MECOM: variants seen among roughly 807,000 people sequenced by gnomAD.
The protein encoded by MECOM is histone-lysine N-methyltransferase MECOM.
A neutral mutation model predicts 116.3 loss-of-function variants in MECOM; 13 were observed. The observed-to-expected ratio is 0.11, with a 90% CI of 0.07 to 0.18. The LOEUF (loss-of-function observed/expected upper bound fraction) is 0.18. Among genes scored for constraint, MECOM ranks in the 10% least tolerant of loss-of-function variants. MECOM has a pLI of 1.00. For synonymous variants in MECOM, 528 were observed against 535.2 expected, an observed-to-expected ratio of 0.99 and a Z score of 0.19; for missense variants, 1,299 against 1,509.0, an observed-to-expected ratio of 0.86 and a Z score of 2.31.
chr3:169,288,083 A>C (rs1419979221), intron 2 of MECOM, among the ~76,000 whole-genome samples: 1 of 152,220 alleles, frequency 6.6e-6, no homozygotes, highest in Non-Finnish European at 1.5e-5. Flanking sequence ...CAGTGGTGAT[A>C]TAAAACAGTA....
intron 1 of MECOM, among the ~76,000 whole-genome samples, chr3:169,426,692 C>G (rs1041941775): frequency 2.6e-5 from 4 of 152,284 alleles, no homozygotes; most frequent in African/African-American, 9.6e-5. Flanking sequence ...AGTAAAAGGG[C>G]TAGAAGAGTA....
intron 13 of MECOM, 100 bp downstream of exon 13, chr3:169,094,976 C>T (rs990960735): frequency 4.8e-5 from 51 of 1,073,288 alleles, no homozygotes; most frequent in Non-Finnish European, 5.0e-5. Context: ...CTGATTTTGG[C>T]GTCAAAATGG....
chr3:169,186,343 GGGAAGGAAGGAA>G lies in MECOM; in HGVS notation c.376-42523_376-42512del, dbSNP rs1331901039. On this transcript the variant is annotated intron_variant, in intron 2 of 16. Coordinates refer to ENST00000651503, the MANE Select transcript of MECOM (RefSeq NM_004991.4). The stretch of plus-strand genomic sequence containing the variant: ...AAGAAAGGAAGGAAGGAGGGAGGGA[GGGAAGGAAGGAA>G]GGAAGGAAGGAAGGAAGGAAGGAAG... Among the ~76,000 whole-genome samples, 660 of 80,118 alleles carry G rather than the reference GGGAAGGAAGGAA, an allele frequency of 8.2e-3. 24 individuals are homozygous for G. Among genetic ancestry groups the G allele is most frequent in the African/African-American group, 0.033 (582 of 17,898 alleles). 52.6% of individuals were successfully genotyped at this position (80,118 alleles called of 152,430 possible).
intron 1 of MECOM, among the ~76,000 whole-genome samples, chr3:169,532,267 G>A (rs997988021): frequency 2.6e-5 from 4 of 152,196 alleles, no homozygotes; most frequent in African/African-American, 9.7e-5. Flanking sequence ...ACTTGGGTAA[G>A]GCTGATGCTG....
At chr3:169,293,109 C>T (rs781771971) in intron 2 of MECOM, among the ~76,000 whole-genome samples, 2 of 152,152 alleles carry the variant, frequency 1.3e-5, no homozygotes, top group African/African-American at 4.8e-5. Flanking sequence ...AAATACCTAT[C>T]GCAGGAGGAG....
intron 1 of MECOM, among the ~76,000 whole-genome samples, chr3:169,426,411 A>C (rs1740699315): frequency 6.6e-6 from 1 of 152,148 alleles, no homozygotes; most frequent in African/African-American, 2.4e-5. Flanking sequence ...GACGGTGGAC[A>C]CTCAGGCAGG....
intron 1 of MECOM, among the ~76,000 whole-genome samples, chr3:169,648,365 T>C (rs896053114): frequency 2.0e-5 from 3 of 152,238 alleles, no homozygotes; most frequent in African/African-American, 7.2e-5. Context: ...TAATGCTCTT[T>C]ACCTTGACAT....
intron 1 of MECOM, among the ~76,000 whole-genome samples, chr3:169,647,799 A>G (rs1474251952): frequency 6.6e-6 from 1 of 152,146 alleles, no homozygotes; most frequent in African/African-American, 2.4e-5. Context: ...AGCCAAACAG[A>G]GGTAGTTATT....
chr3:169,093,154 C>T, intron 13 of MECOM, 52 bp from the exon 14 acceptor site: 1 of 1,526,258 alleles, frequency 6.6e-7, no homozygotes, highest in Non-Finnish European at 8.8e-7. Flanking sequence ...TATCTAGCAA[C>T]TTATTTGGAA....
rs564525438 is a variant in MECOM at position 169,365,771 on chromosome 3, C to A, written c.375+15416G>T. 1.9e-3 allele frequency among the ~76,000 whole-genome samples: 282 copies of A among 152,026 alleles called. 2 individuals carry two copies. Among genetic ancestry groups the A allele is most frequent in the African/African-American group, 6.4e-3 (267 of 41,500 alleles). ...TATGTGGTCTCCCTGCCCTCTAAGC[C>A]CCCACCTGTGCAAGTAAATGTGTAT... On this transcript the variant is annotated intron_variant, in intron 2 of 16. Coordinates refer to ENST00000651503, the MANE Select transcript of MECOM (RefSeq NM_004991.4).
At chr3:169,246,762 C>G (rs368471298) in intron 2 of MECOM, among the ~76,000 whole-genome samples, 3 of 152,062 alleles carry the variant, frequency 2.0e-5, no homozygotes, top group Non-Finnish European at 4.4e-5. Context: ...CCTCATGATC[C>G]GCCCGCCTTG....
At chr3:169,154,840 A>G (rs768346930) in intron 2 of MECOM, among the ~76,000 whole-genome samples, 1 of 152,158 alleles carries the variant, frequency 6.6e-6, no homozygotes, top group African/African-American at 2.4e-5. Flanking sequence ...CTTGGTTATC[A>G]TAGATAAAAT....
chr3:169,279,343 C>T (rs1241200037), intron 2 of MECOM, among the ~76,000 whole-genome samples: 4 of 152,160 alleles, frequency 2.6e-5, no homozygotes, highest in Non-Finnish European at 5.9e-5. Flanking sequence ...GGGTCAGTTT[C>T]TTCCTCACCA....
At chr3:169,216,686 T>C (rs1751464274) in intron 2 of MECOM, among the ~76,000 whole-genome samples, 1 of 151,982 alleles carries the variant, frequency 6.6e-6, no homozygotes, top group Admixed American at 6.6e-5. Context: ...CTTTACAATA[T>C]TGGGGGAAAG....
At chr3:169,543,135 A>T (rs578175717) in intron 1 of MECOM, among the ~76,000 whole-genome samples, 3 of 152,350 alleles carry the variant, frequency 2.0e-5, no homozygotes, top group East Asian at 3.9e-4. Flanking sequence ...AAGTAGAGAG[A>T]GGAAATATCA....
At chr3:169,536,715 A>G (rs1375951618) in intron 1 of MECOM, among the ~76,000 whole-genome samples, 1 of 152,144 alleles carries the variant, frequency 6.6e-6, no homozygotes, top group Non-Finnish European at 1.5e-5. Flanking sequence ...TCCTTGCCCA[A>G]CCTCATGCTT....
At chr3:169,661,679 C>G (rs1327428205) in intron 1 of MECOM, among the ~76,000 whole-genome samples, 2 of 152,196 alleles carry the variant, frequency 1.3e-5, no homozygotes, top group Admixed American at 1.3e-4. Context: ...CTCCAATGCC[C>G]GCGAAGCCGA....
intron 1 of MECOM, among the ~76,000 whole-genome samples, chr3:169,634,674 A>G (rs1772503077): frequency 6.6e-6 from 1 of 152,074 alleles, no homozygotes; most frequent in African/African-American, 2.4e-5. Context: ...TCTTTTTCAA[A>G]TGTCTGCTTG....
intron 13 of MECOM, 77 bp from the exon 14 acceptor site, chr3:169,093,179 A>G (rs1720341370): frequency 3.4e-6 from 5 of 1,451,348 alleles, no homozygotes; most frequent in Middle Eastern, 1.8e-4. Context: ...ACTCCTTATG[A>G]ATTTGATCAG....
Sources: allele counts gnomAD v4.1 joint callset (sites outside exome capture counted in the v4.1 genomes callset), GRCh38; gene constraint gnomAD v4.1.1; transcripts MANE v1.5; gene names NCBI Gene and HGNC (gene_info 2026-07-23, HGNC 2026-07-21).